The following EYA4 variants were observed in gnomAD, a reference collection of about 807,000 sequenced individuals.
EYA4 encodes the protein EYA transcriptional coactivator and phosphatase 4.
Under a neutral mutation model 87.9 loss-of-function variants are expected in EYA4, and 31 were observed. The observed-to-expected ratio is 0.35, with a 90% CI of 0.27 to 0.48. The LOEUF (loss-of-function observed/expected upper bound fraction) is 0.48. Among genes scored for constraint, EYA4 ranks in the 20% least tolerant of loss-of-function variants. The pLI is 0.99. For missense variants in EYA4, 678 were observed against 761.4 expected (o/e 0.89, Z 1.29); for synonymous variants, 263 against 270.6 (o/e 0.97, Z 0.28).
Position 133,529,445 on chromosome 6 carries a change from C to CTGA in EYA4, c.*643_*645dup. ...AAGTTTGGCAAACAGAATGTTCATA[C>CTGA]TGATGTGTTGTGCCTTAAAGACAAG... On this transcript the variant is annotated 3_prime_UTR_variant, in exon 20 of 20. Transcript: ENST00000355286. 6.1e-6 allele frequency: 6 copies of CTGA among 987,890 alleles called. No homozygotes were observed. The highest frequency in any genetic ancestry group is 7.2e-6 in the Non-Finnish European group (6 of 831,844). The allele number at this position is 987,890 out of a possible 1,614,324, so 61.2% of individuals were successfully genotyped here.
At chr6:133,275,033 TG>T (rs1179168545) in intron 2 of EYA4, among the ~76,000 whole-genome samples, 1 of 152,182 alleles carries the variant, frequency 6.6e-6, no homozygotes, top group Non-Finnish European at 1.5e-5. Context: ...ATTTTCTACT[TG>T]GAAAACTAGT....
In EYA4 at chr6:133,289,997, G is replaced by C. The variant is rs1485267593; in HGVS notation, c.33+15184G>C. 2.6e-5 allele frequency among the ~76,000 whole-genome samples: 4 copies of C among 152,306 alleles called. 1 individual carries two copies. The highest frequency in any genetic ancestry group is 2.6e-4 in the Admixed American group (4 of 15,290). ...TTGCTTTCATTATTTTGCCTAAACT[G>C]TTGTGGTTGACACACGTGGACAGTA... On this transcript the variant is annotated intron_variant, in intron 2 of 19. Coordinates refer to ENST00000355286, the MANE Select transcript of EYA4 (RefSeq NM_004100.5).
At chr6:133,367,420 T>C (rs758716488) in intron 2 of EYA4, among the ~76,000 whole-genome samples, 9 of 152,212 alleles carry the variant, frequency 5.9e-5, no homozygotes, top group Non-Finnish European at 1.0e-4. Flanking sequence ...TACGTATATA[T>C]GTGGCAAGAC....
rs181189037 is a variant in EYA4, at chr6:133,317,225, G to A, written c.33+42412G>A. ...GGGCAGCTCATTTCAATAGCTCGTAGCACAAACCTGTAATTACCACAGGAC... is the reference window on the plus strand; with the variant it reads ...GGGCAGCTCATTTCAATAGCTCGTAACACAAACCTGTAATTACCACAGGAC... On this transcript the variant is annotated intron_variant, in intron 2 of 19. Transcript: ENST00000355286. 3.7e-3 allele frequency among the ~76,000 whole-genome samples: 562 copies of A among 152,238 alleles called. 2 individuals are homozygous for A. The highest frequency in any genetic ancestry group is 6.0e-3 in the Non-Finnish European group (409 of 68,026).
At chr6:133,317,747 A>G (rs1203682281) in intron 2 of EYA4, among the ~76,000 whole-genome samples, 1 of 151,882 alleles carries the variant, frequency 6.6e-6, no homozygotes, top group Non-Finnish European at 1.5e-5. Flanking sequence ...GAATTTCTAT[A>G]TGATCATTCT....
intron 11 of EYA4, 37 bp downstream of exon 11, chr6:133,468,768 T>A: frequency 1.2e-6 from 2 of 1,605,316 alleles, no homozygotes; most frequent in Non-Finnish European, 1.7e-6. Flanking sequence ...CTTTTATATG[T>A]TTTGCAATAT....
At position 133,382,409 on chromosome 6, in the gene EYA4, A is replaced by G. The variant is rs1038991613; in HGVS notation, c.51A>G (p.Thr17=). 5.0e-6 allele frequency: 8 copies of G among 1,611,136 alleles called. No individual in the cohort carries two copies. The highest frequency in any genetic ancestry group is 6.8e-6 in the Non-Finnish European group (8 of 1,177,310). The change falls in exon 3 of 20, where the codon ACA becomes ACG. Residue 17 remains threonine, a synonymous_variant. Coordinates refer to ENST00000355286, the MANE Select transcript of EYA4 (RefSeq NM_004100.5). ...TCTTACAGGTAAAGAAAACGTGCAC[A>G]GAATCAGATGTTTCACAATCTCAGA... ...LNEQSVKKTC[T]ESDVSQSQNS...
At chr6:133,297,274 C>T (rs1284230329) in intron 2 of EYA4, among the ~76,000 whole-genome samples, 1 of 152,090 alleles carries the variant, frequency 6.6e-6, no homozygotes, top group East Asian at 1.9e-4. Context: ...TTGTCAGACA[C>T]TTGGAAACCC....
chr6:133,397,798 G>A (rs1045872434), intron 3 of EYA4, among the ~76,000 whole-genome samples: 4 of 152,164 alleles, frequency 2.6e-5, no homozygotes, highest in East Asian at 1.9e-4. Context: ...TGTCACATGG[G>A]GGCCGACAAG....
At chr6:133,332,137 T>C (rs780239254) in intron 2 of EYA4, among the ~76,000 whole-genome samples, 2 of 152,190 alleles carry the variant, frequency 1.3e-5, no homozygotes, top group African/African-American at 2.4e-5. Context: ...TGTCGCCCAA[T>C]TCTTGTGGCT....
intron 1 of EYA4, among the ~76,000 whole-genome samples, chr6:133,273,098 T>TGTATATATATATATATATATAA (rs1491433344): frequency 3.0e-4 from 25 of 83,090 alleles, no homozygotes; most frequent in Non-Finnish European, 5.6e-4. Flanking sequence ...TATATATATG[T>TGTATATATATATATATATATAA]ATATATATAT....
intron 3 of EYA4, among the ~76,000 whole-genome samples, chr6:133,437,576 C>A (rs940452536): frequency 3.5e-4 from 53 of 152,034 alleles, no homozygotes; most frequent in African/African-American, 1.1e-3. Context: ...TGTAATAGTC[C>A]ATTTTCATAC....
chr6:133,523,625 A>T (rs1800378704), intron 18 of EYA4, among the ~76,000 whole-genome samples: 1 of 152,194 alleles, frequency 6.6e-6, no homozygotes, highest in African/African-American at 2.4e-5. Flanking sequence ...CAGAAAACAT[A>T]ATAGGAATAT....
chr6:133,496,309 A>G (rs1020263990), intron 13 of EYA4, among the ~76,000 whole-genome samples: 4 of 152,342 alleles, frequency 2.6e-5, no homozygotes, highest in African/African-American at 9.6e-5. Context: ...TTATTTCCAC[A>G]ATATGCATGT....
chr6:133,289,307 C>T (rs1199199112), intron 2 of EYA4, among the ~76,000 whole-genome samples: 2 of 152,054 alleles, frequency 1.3e-5, no homozygotes, highest in Non-Finnish European at 2.9e-5. Flanking sequence ...TACCTTTGTC[C>T]AGGCAAGATC....
At chr6:133,437,109 T>C (rs763325086) in intron 3 of EYA4, among the ~76,000 whole-genome samples, 49 of 152,160 alleles carry the variant, frequency 3.2e-4, no homozygotes, top group Non-Finnish European at 1.9e-4. Flanking sequence ...ATTTTTTATA[T>C]TGTCTGGAAA....
intron 3 of EYA4, among the ~76,000 whole-genome samples, chr6:133,436,964 T>C (rs1791746613): frequency 6.6e-6 from 1 of 152,176 alleles, no homozygotes; most frequent in Non-Finnish European, 1.5e-5. Context: ...AAGAGGATAT[T>C]TCAAATTATT....
intron 3 of EYA4, among the ~76,000 whole-genome samples, chr6:133,410,898 A>G (rs886289116): frequency 6.6e-6 from 1 of 151,986 alleles, no homozygotes; most frequent in Non-Finnish European, 1.5e-5. Flanking sequence ...AGATCAAAGT[A>G]GCAGTACTGA....
rs184768806 is a variant in EYA4, at chr6:133,462,406, C to T, written c.509C>T (p.Ser170Leu). 5.6e-6 allele frequency: 9 copies of T among 1,614,010 alleles called. No homozygotes were observed. The highest frequency in any genetic ancestry group is 2.7e-5 in the African/African-American group (2 of 75,016). ...GCCTATGCAGGCCAGACTCAGTATT[C>T]GGGGATGCAGCAGCCAGCCGTCTAC... ...MSAYAGQTQY[S>L]GMQQPAVYTA... Residue 170 changes from serine to leucine, a missense_variant, in exon 8 of 20, where the codon TCG (serine) becomes TTG (leucine). Coordinates refer to ENST00000355286, the MANE Select transcript of EYA4 (RefSeq NM_004100.5).
Sources: allele counts gnomAD v4.1 joint callset (sites outside exome capture counted in the v4.1 genomes callset), GRCh38; gene constraint gnomAD v4.1.1; transcripts MANE v1.5; gene names NCBI Gene and HGNC (gene_info 2026-07-23, HGNC 2026-07-21).